Variants in CDC42BPA observed in about 807,000 individuals in gnomAD.
CDC42BPA encodes serine/threonine-protein kinase MRCK alpha.
A neutral mutation model predicts 223.5 loss-of-function variants in CDC42BPA; 80 were observed. The observed-to-expected ratio is 0.36, with a 90% CI of 0.30 to 0.43. The LOEUF is 0.43. Ranked by LOEUF, CDC42BPA falls within the 20% of genes least tolerant of loss-of-function variation. The pLI is 1.00. For synonymous variants in CDC42BPA, 694 were observed against 718.6 expected, an observed-to-expected ratio of 0.97 and a Z score of 0.55; for missense variants, 1,743 against 2,099.9, an observed-to-expected ratio of 0.83 and a Z score of 3.32.
At position 226,989,867 on chromosome 1, in the gene CDC42BPA, A is replaced by G. The variant is rs1660499428; in HGVS notation, c.*4401T>C. The G allele has an allele frequency of 6.6e-6, 1 of 152,620 alleles. No individual in the cohort carries two copies. The highest frequency in any genetic ancestry group is 6.5e-5 in the Admixed American group (1 of 15,278). The allele number at this position is 152,620 out of a possible 1,614,324, so 9.5% of individuals were successfully genotyped here. On this transcript the variant is annotated 3_prime_UTR_variant, in exon 37 of 37. Coordinates refer to ENST00000366766, the MANE Select transcript of CDC42BPA (RefSeq NM_001394014.1). ...AAAAGAGACAAAATACTCAATGCTA[A>G]CAGTTCTCTGTTTTATTGCAATACA...
intron 2 of CDC42BPA, among the ~76,000 whole-genome samples, chr1:227,235,853 A>G (rs1368769037): frequency 6.6e-6 from 1 of 152,212 alleles, no homozygotes; most frequent in Non-Finnish European, 1.5e-5. Context: ...AAGAATTGCT[A>G]GTGGAATTCC....
At chr1:227,200,502 T>C (rs1162971740) in intron 3 of CDC42BPA, among the ~76,000 whole-genome samples, 5 of 150,264 alleles carry the variant, frequency 3.3e-5, no homozygotes, top group Admixed American at 2.6e-4. Context: ...ATGTGAATGG[T>C]ATAATTTTAT....
intron 5 of CDC42BPA, among the ~76,000 whole-genome samples, chr1:227,177,667 T>C (rs1433745022): frequency 6.6e-6 from 1 of 152,180 alleles, no homozygotes; most frequent in African/African-American, 2.4e-5. Context: ...AAAAGAGCTG[T>C]AACACTATGC....
intron 1 of CDC42BPA, among the ~76,000 whole-genome samples, chr1:227,275,330 A>G (rs1031171184): frequency 5.9e-5 from 9 of 152,076 alleles, no homozygotes; most frequent in Non-Finnish European, 1.2e-4. Flanking sequence ...TTAGAAATCT[A>G]AAGTCTTAAT....
At position 226,992,725 on chromosome 1, in the gene CDC42BPA, C is replaced by T. The variant is rs1660904570; in HGVS notation, c.*1543G>A. 1 of 152,232 alleles carries T rather than the reference C, an allele frequency of 6.6e-6. No homozygotes were observed. The allele number at this position is 152,232 out of a possible 1,614,324, so 9.4% of individuals were successfully genotyped here. On this transcript the variant is annotated 3_prime_UTR_variant, in exon 37 of 37. Coordinates refer to ENST00000366766, the MANE Select transcript of CDC42BPA (RefSeq NM_001394014.1). ...GTAAAAGAGAGGCAAAATCTCTTTC[C>T]TTCATGAGATACTTTTATTTTTATC... is the stretch of plus-strand genomic sequence containing the variant.
At chr1:227,037,564 G>A (rs567429048) in intron 24 of CDC42BPA, among the ~76,000 whole-genome samples, 7 of 152,274 alleles carry the variant, frequency 4.6e-5, no homozygotes, top group Admixed American at 1.3e-4. Context: ...CTTACTCAAA[G>A]TACTCAGATA....
chr1:227,203,728 G>C (rs1402978192), intron 3 of CDC42BPA, among the ~76,000 whole-genome samples: 1 of 152,102 alleles, frequency 6.6e-6, no homozygotes, highest in Non-Finnish European at 1.5e-5. Flanking sequence ...TTGCCACAGT[G>C]ATGTTTTCAA....
rs780308080 is a variant in CDC42BPA at position 227,317,260 on chromosome 1, G to A, written c.-78C>T. 4 of 1,459,722 alleles carry A rather than the reference G, an allele frequency of 2.7e-6. No homozygotes were observed. The South Asian group carries it at 4.0e-5, about 15-fold the overall frequency. 90.4% of individuals were successfully genotyped at this position (1,459,722 alleles called of 1,614,324 possible). Reference sequence around the variant, plus strand: ...TATTATCTGAACCTAAATTTTAAAAGGTATGGTTTTAAAAATAAACCACTT... The same window carrying A: ...TATTATCTGAACCTAAATTTTAAAAAGTATGGTTTTAAAAATAAACCACTT... On this transcript the variant is annotated 5_prime_UTR_variant, in exon 1 of 37. Transcript: ENST00000366766.
chr1:227,035,498 T>C lies in CDC42BPA; in HGVS notation c.3309A>G (p.Ile1103Met). Residue 1103 changes from isoleucine to methionine, a missense_variant, in exon 25 of 37, where the codon ATA becomes ATG. Transcript: ENST00000366766. ...GPLGIDPQKG[I>M]GTAYEGHVRI... ...TGACATGACCTTCATATGCTGTTCCTATTCCTTTCTGAGGATCTATACCCA... is the reference window on the plus strand; with the variant it reads ...TGACATGACCTTCATATGCTGTTCCCATTCCTTTCTGAGGATCTATACCCA... 1 of 1,610,986 alleles carries C rather than the reference T, an allele frequency of 6.2e-7. No individual in the cohort carries two copies. Among genetic ancestry groups the C allele is most frequent in the Non-Finnish European group, 8.5e-7 (1 of 1,179,002 alleles).
chr1:227,002,492 A>G (rs1173501600), intron 35 of CDC42BPA, among the ~76,000 whole-genome samples: 2 of 152,236 alleles, frequency 1.3e-5, no homozygotes, highest in Non-Finnish European at 2.9e-5. Flanking sequence ...CTATGTCTGT[A>G]GCCAGGCTCC....
chr1:227,112,729 A>G lies in CDC42BPA; in HGVS notation c.1832T>C (p.Met611Thr). ...RDKEEEVDLV[M>T]QKVESLRQEL... ...TTGCCTTAAGCTTTCAACTTTTTGC[A>G]TCACCAGGTCCACCTCTTCTTCCTT... The change falls in exon 13 of 37, where the codon ATG becomes ACG. Residue 611 changes from methionine to threonine, a missense_variant. Met to Thr is a moderately conservative substitution (Grantham distance 81). Around this residue, in one of 6 missense-constraint regions of CDC42BPA, gnomAD observed 464 missense variants for 488.0 expected, o/e 0.95. Transcript: ENST00000366766. 6.2e-7 allele frequency: 1 copy of G among 1,614,036 alleles called. No homozygotes were observed. The highest frequency in any genetic ancestry group is 8.5e-7 in the Non-Finnish European group (1 of 1,179,992).
intron 27 of CDC42BPA, among the ~76,000 whole-genome samples, chr1:227,032,608 T>C (rs541386813): frequency 5.9e-5 from 9 of 152,302 alleles, no homozygotes; most frequent in Admixed American, 2.6e-4. Flanking sequence ...CATGACTTGC[T>C]TTGACCAACA....
At chr1:227,074,820 G>T (rs1679121104) in intron 17 of CDC42BPA, among the ~76,000 whole-genome samples, 1 of 152,048 alleles carries the variant, frequency 6.6e-6, no homozygotes, top group African/African-American at 2.4e-5. Context: ...GCAAAAATCA[G>T]GGTTATATTG....
At chr1:227,300,728 A>C (rs905346486) in intron 1 of CDC42BPA, among the ~76,000 whole-genome samples, 8 of 152,234 alleles carry the variant, frequency 5.3e-5, no homozygotes, top group Admixed American at 2.6e-4. Context: ...TAAAATGTAC[A>C]GTACTCAGGT....
At position 226,994,328 on chromosome 1, in the gene CDC42BPA, T is replaced by C; in HGVS notation, c.5205A>G (p.Ser1735=). Residue 1735 remains serine (S), a synonymous_variant, in exon 37 of 37, where the codon TCA becomes TCG. Coordinates refer to ENST00000366766, the MANE Select transcript of CDC42BPA (RefSeq NM_001394014.1). The surrounding 1 kb of genome is among the most constrained non-coding windows in gnomAD (Gnocchi z 4.0). ...SNLSSPPSPA[S]PRKTKSLSLE... ...GGGAGAGGCTCTTGGTTTTTCGGGG[T>C]GAAGCTGGGCTTGGGGGGCTGCTTA... 6.3e-6 allele frequency: 10 copies of C among 1,598,642 alleles called. No homozygotes were observed. The highest frequency in any genetic ancestry group is 8.5e-6 in the Non-Finnish European group (10 of 1,171,490).
intron 1 of CDC42BPA, among the ~76,000 whole-genome samples, chr1:227,290,161 G>A (rs539305225): frequency 8.5e-5 from 13 of 152,084 alleles, no homozygotes; most frequent in Non-Finnish European, 1.8e-4. Context: ...TTCCCACTAT[G>A]CCTCAACTGC....
intron 3 of CDC42BPA, among the ~76,000 whole-genome samples, chr1:227,203,156 C>A (rs929138105): frequency 6.6e-6 from 1 of 152,068 alleles, no homozygotes; most frequent in African/African-American, 2.4e-5. Context: ...TTTAAGCAAA[C>A]CCCAGACAGC....
At chr1:227,136,908 T>C (rs1310765474) in intron 10 of CDC42BPA, among the ~76,000 whole-genome samples, 2 of 152,112 alleles carry the variant, frequency 1.3e-5, no homozygotes, top group Non-Finnish European at 2.9e-5. Context: ...GGAAGTTTTT[T>C]AGGCTAAAGA....
intron 5 of CDC42BPA, among the ~76,000 whole-genome samples, chr1:227,168,604 T>C (rs983186176): frequency 6.7e-6 from 1 of 149,686 alleles, no homozygotes; most frequent in Admixed American, 6.7e-5. Context: ...CACGCCATTC[T>C]CCTGCCTCAG....
Sources: gnomAD v4.1 joint callset for allele counts (sites outside exome capture counted in the v4.1 genomes callset) on GRCh38, gnomAD v4.1.1 for gene constraint, gnomAD v4.1.1 regional missense constraint, Gnocchi (gnomAD v3.1) non-coding constraint, MANE v1.5 for transcripts, NCBI Gene and HGNC (gene_info 2026-07-23, HGNC 2026-07-21) for gene names.